The following MRC1 variants were observed in gnomAD, a reference collection of about 807,000 sequenced individuals.
MRC1 encodes the protein mannose receptor C-type 1.
MRC1 carries 62 observed loss-of-function variants against 102.9 expected under a neutral mutation model. That is an observed-to-expected ratio of 0.60 (90% CI 0.49 to 0.74). MRC1 has a LOEUF of 0.74. MRC1 is among the 30% of genes least tolerant of loss of function. MRC1 has a pLI of 0.00. For synonymous variants in MRC1, 457 were observed against 298.4 expected (o/e 1.53, Z -5.48); for missense variants, 1,237 against 862.8 (o/e 1.43, Z -5.43).
Position 17,833,719 on chromosome 10 carries a change from G to T in MRC1, c.682G>T (p.Val228Phe). 1 of 781,000 alleles carries T rather than the reference G, an allele frequency of 1.3e-6. No individual in the cohort carries two copies. Among genetic ancestry groups the T allele is most frequent in the Non-Finnish European group, 2.4e-6 (1 of 418,126 alleles). 48.4% of individuals were successfully genotyped at this position (781,000 alleles called of 1,614,324 possible). The change falls in exon 4 of 30, where the codon GTT becomes TTT. Residue 228 changes from valine to phenylalanine, a missense_variant. Val to Phe is a conservative substitution (Grantham distance 50, BLOSUM62 -1). Transcript: ENST00000569591. ...SLWNKDPLTSVSYQINSKSAL... is the reference protein window; with the variant it reads ...SLWNKDPLTSFSYQINSKSAL... ...ATGGAATAAAGACCCGCTGACCAGC[G>T]TTTCCTACCAGATAAACTCCAAATC...
chr10:17,864,393 G>A (rs1411433824), intron 11 of MRC1, among the ~76,000 whole-genome samples: 5 of 152,126 alleles, frequency 3.3e-5, no homozygotes, highest in Admixed American at 3.3e-4. Context: ...GAGTGGTTGG[G>A]TGGGGCAGCA....
At chr10:17,842,113 C>T (rs910380018) in intron 5 of MRC1, among the ~76,000 whole-genome samples, 1 of 152,234 alleles carries the variant, frequency 6.6e-6, no homozygotes, top group South Asian at 2.1e-4. Context: ...CAAGCATGCA[C>T]CACCATGCCT....
chr10:17,884,975 C>T (rs1833571391), intron 21 of MRC1, among the ~76,000 whole-genome samples: 1 of 152,198 alleles, frequency 6.6e-6, no homozygotes, highest in Non-Finnish European at 1.5e-5. Flanking sequence ...GCAGCCACGA[C>T]CCAGATAGGG....
Position 17,809,526 on chromosome 10 carries a change from G to C in MRC1, c.61G>C (p.Asp21His). ...CATTCCGGGTGCTGTTCTCCTACTG[G>C]GTAAGTCTGCTCTGAGGCAGGGGAT... ...SVIPGAVLLL[D>H]TRQFLIYNED... The change falls in exon 1 of 30, where the codon GAC (aspartate) becomes CAC (histidine). Residue 21 changes from aspartate to histidine, a missense_variant and splice_region_variant. Asp to His is a moderately conservative substitution (Grantham distance 81). Transcript: ENST00000569591. The C allele has an allele frequency of 3.4e-6, 3 of 872,732 alleles. No individual in the cohort carries two copies. The South Asian group carries it at 3.9e-5, about 11-fold the overall frequency. The allele number at this position is 872,732 out of a possible 1,614,324, so 54.1% of individuals were successfully genotyped here.
chr10:17,898,074 T>C lies in MRC1; in HGVS notation c.3291T>C (p.Asp1097=). The change falls in exon 24 of 30, where the codon GAT becomes GAC. Residue 1097 remains aspartate (D), a synonymous_variant. Coordinates refer to ENST00000569591, the MANE Select transcript of MRC1 (RefSeq NM_002438.4). Reference sequence around the variant, plus strand: ...ATCCTCCAGCAACGATTCAAACAGATGGCTTTGTTAAATATGGCAAAAGCA... The same window carrying C: ...ATCCTCCAGCAACGATTCAAACAGACGGCTTTGTTAAATATGGCAAAAGCA... ...LTNPPATIQT[D]GFVKYGKSSY... The C allele has an allele frequency of 2.6e-6, 2 of 780,872 alleles. No individual in the cohort carries two copies. Among genetic ancestry groups the C allele is most frequent in the Non-Finnish European group, 4.8e-6 (2 of 417,948 alleles). 48.4% of individuals were successfully genotyped at this position (780,872 alleles called of 1,614,324 possible). A position where few individuals can be genotyped will look rare whatever the true frequency, so the allele number is the denominator to read the frequency against.
intron 23 of MRC1, 127 bp downstream of exon 23, chr10:17,894,439 G>T (rs906136714): frequency 6.4e-6 from 4 of 628,358 alleles, no homozygotes; most frequent in African/African-American, 2.3e-5. Flanking sequence ...TCGCTCTGTC[G>T]CCCAGGCTGA....
intron 24 of MRC1, 112 bp from the exon 25 acceptor site, chr10:17,900,676 G>A (rs1833817241): frequency 3.9e-6 from 3 of 760,292 alleles, no homozygotes; most frequent in South Asian, 2.9e-5. Context: ...AAATGTTCCA[G>A]GTTCTATGTC....
chr10:17,871,015 C>G (rs1162206504), intron 14 of MRC1, 80 bp downstream of exon 14: 5 of 810,534 alleles, frequency 6.2e-6, no homozygotes, highest in Non-Finnish European at 1.1e-5. Flanking sequence ...TTAATGCAAA[C>G]TTTTAATAAG....
intron 1 of MRC1, among the ~76,000 whole-genome samples, chr10:17,813,241 G>A (rs1838252449): frequency 1.3e-5 from 2 of 152,108 alleles, no homozygotes; most frequent in African/African-American, 4.8e-5. Flanking sequence ...TCAAGTAAGT[G>A]CAAATTAGGT....
chr10:17,863,906 T>C (rs1425783356), intron 11 of MRC1, among the ~76,000 whole-genome samples: 1 of 152,104 alleles, frequency 6.6e-6, no homozygotes, highest in Non-Finnish European at 1.5e-5. Context: ...AAGAAAAAAA[T>C]TGCTAGGTTA....
intron 4 of MRC1, among the ~76,000 whole-genome samples, chr10:17,840,476 C>G (rs1838734432): frequency 6.6e-6 from 1 of 152,158 alleles, no homozygotes; most frequent in African/African-American, 2.4e-5. Context: ...ACCAGATTAC[C>G]TATGCTGCCT....
chr10:17,885,549 A>G lies in MRC1; in HGVS notation c.3147+114A>G. The G allele has an allele frequency of 7.2e-6, 5 of 695,678 alleles. No individual in the cohort carries two copies. In the South Asian group the frequency reaches 8.5e-5, roughly 12 times the overall value. 43.1% of individuals were successfully genotyped at this position (695,678 alleles called of 1,614,324 possible). A position where few individuals can be genotyped will look rare whatever the true frequency, so the allele number is the denominator to read the frequency against. ...ACCAGAATACTCCTTGATCTGTTCT[A>G]TGCTTGCAGATTTTACCTATTTCAG... On this transcript the variant is annotated intron_variant, in intron 22 of 29. Transcript: ENST00000569591.
chr10:17,876,195 A>T (rs1041017594), intron 17 of MRC1, among the ~76,000 whole-genome samples: 8 of 152,044 alleles, frequency 5.3e-5, no homozygotes, highest in Admixed American at 3.9e-4. Context: ...TCATAACACA[A>T]GTTATGCCCT....
rs1225062192 is a variant in MRC1, at chr10:17,856,335, G to A, written c.1501G>A (p.Glu501Lys). 40 of 855,002 alleles carry A rather than the reference G, an allele frequency of 4.7e-5. No homozygotes were observed. The highest frequency in any genetic ancestry group is 2.2e-4 in the Middle Eastern group (1 of 4,612). The allele number at this position is 855,002 out of a possible 1,614,324, so 53.0% of individuals were successfully genotyped here. ...RSQGPEIVEV[E>K]KGCRKGWKKH... ...CCAAGGTCCAGAAATAGTGGAAGTC[G>A]AAAAAGGCTGCAGGAAAGTGAGTGC... Residue 501 changes from glutamate (E) to lysine (K), a missense_variant, in exon 9 of 30, where the codon GAA becomes AAA. Coordinates refer to ENST00000569591, the MANE Select transcript of MRC1 (RefSeq NM_002438.4).
At chr10:17,892,041 T>G (rs1421556462) in intron 22 of MRC1, among the ~76,000 whole-genome samples, 2 of 152,324 alleles carry the variant, frequency 1.3e-5, no homozygotes, top group Admixed American at 6.5e-5. Flanking sequence ...TGAGTATTTC[T>G]TTTCTCCTAG....
Position 17,841,447 on chromosome 10 carries a change from A to C in MRC1, c.916+641A>C, listed in dbSNP as rs1025147110. On this transcript the variant is annotated intron_variant, in intron 5 of 29. Coordinates refer to ENST00000569591, the MANE Select transcript of MRC1 (RefSeq NM_002438.4). ...CCATACTAGCATAAAAATTCATTAGAGGTTTCTCAACAGTAGTTTATAGAA... is the reference window on the plus strand; with the variant it reads ...CCATACTAGCATAAAAATTCATTAGCGGTTTCTCAACAGTAGTTTATAGAA... Among the ~76,000 whole-genome samples the C allele has an allele frequency of 3.5e-3, 536 of 152,310 alleles. 1 individual carries two copies. The highest frequency in any genetic ancestry group is 0.012 in the African/African-American group (481 of 41,558).
rs1838886154 is a variant in MRC1, at chr10:17,849,781, T to C, written c.1249+17T>C. The stretch of plus-strand genomic sequence containing the variant: ...TAGGATATGGTGAGAAACTTGACAG[T>C]GATAATATACTTGGCTTTAATCCTG... On this transcript the variant is annotated intron_variant, in intron 7 of 29. Transcript: ENST00000569591. The C allele has an allele frequency of 2.6e-6, 2 of 777,376 alleles. No homozygotes were observed. The highest frequency in any genetic ancestry group is 1.7e-5 in the African/African-American group (1 of 59,064). 48.2% of individuals were successfully genotyped at this position (777,376 alleles called of 1,614,324 possible).
chr10:17,827,369 ACCC>A (rs1838493291), intron 2 of MRC1, among the ~76,000 whole-genome samples, 170 bp from the exon 3 acceptor site: 27 of 52,740 alleles, frequency 5.1e-4, no homozygotes, highest in African/African-American at 2.3e-3. Flanking sequence ...GAAAAAAAAT[ACCC>A]AAAAAAAAAA....
intron 4 of MRC1, among the ~76,000 whole-genome samples, chr10:17,837,208 C>T (rs1386060282): frequency 1.3e-5 from 2 of 152,204 alleles, no homozygotes; most frequent in African/African-American, 4.8e-5. Flanking sequence ...ACCTCAGATA[C>T]TTACTTGAAT....
Sources: gnomAD v4.1 joint callset for allele counts (sites outside exome capture counted in the v4.1 genomes callset) on GRCh38, gnomAD v4.1.1 for gene constraint, MANE v1.5 for transcripts, NCBI Gene and HGNC (gene_info 2026-07-23, HGNC 2026-07-21) for gene names.